ADK: variants seen among roughly 807,000 people sequenced by gnomAD.
ADK encodes the protein N6,N6-dimethyladenosine kinase.
Under a neutral mutation model 44.7 loss-of-function variants are expected in ADK, and 24 were observed. The ratio of observed to expected loss-of-function variants is 0.54; its 90% CI spans 0.39 to 0.76. The LOEUF (loss-of-function observed/expected upper bound fraction) is 0.76. Among genes scored for constraint, ADK ranks in the 30% least tolerant of loss-of-function variants. The pLI, the probability that ADK is intolerant of heterozygous loss-of-function variation, is 0.00. For synonymous variants in ADK, 128 were observed against 142.6 expected (o/e 0.90, Z 0.73); for missense variants, 321 against 425.1 (o/e 0.76, Z 2.15).
intron 6 of ADK, among the ~76,000 whole-genome samples, chr10:74,461,403 G>T (rs1177910819): frequency 6.6e-6 from 1 of 152,030 alleles, no homozygotes; most frequent in Admixed American, 6.5e-5. Flanking sequence ...AAGGAAAAAA[G>T]CCTGGTAATA....
intron 4 of ADK, among the ~76,000 whole-genome samples, chr10:74,387,178 G>A (rs781466951): frequency 6.4e-4 from 98 of 152,030 alleles, no homozygotes; most frequent in Admixed American, 5.2e-4. Flanking sequence ...CTCGTGATCC[G>A]CCTGCCTCAG....
chr10:74,231,632 A>G (rs764043861), intron 3 of ADK, among the ~76,000 whole-genome samples: 1 of 151,072 alleles, frequency 6.6e-6, no homozygotes, highest in Non-Finnish European at 1.5e-5. Context: ...CACCTGGCTA[A>G]TTTTTGTATT....
intron 7 of ADK, among the ~76,000 whole-genome samples, chr10:74,579,084 A>G (rs756463640): frequency 6.6e-6 from 1 of 152,184 alleles, no homozygotes; most frequent in Middle Eastern, 3.4e-3. Context: ...AAATACAGAA[A>G]TTAGCCGGGT....
intron 10 of ADK, among the ~76,000 whole-genome samples, chr10:74,696,721 T>C (rs1412072173): frequency 1.3e-5 from 2 of 152,216 alleles, no homozygotes; most frequent in African/African-American, 4.8e-5. Flanking sequence ...ATTTGTAATT[T>C]TACTGTTTCC....
At chr10:74,603,261 T>A (rs1852203350) in intron 9 of ADK, among the ~76,000 whole-genome samples, 1 of 150,234 alleles carries the variant, frequency 6.7e-6, no homozygotes, top group South Asian at 2.1e-4. Context: ...CTTAAACCTA[T>A]TTTTTTTTAA....
At chr10:74,308,183 T>A (rs771563125) in intron 3 of ADK, among the ~76,000 whole-genome samples, 2 of 152,208 alleles carry the variant, frequency 1.3e-5, no homozygotes, top group Non-Finnish European at 2.9e-5. Context: ...ATGATCTTCA[T>A]GTTCAGAGTT....
intron 1 of ADK, among the ~76,000 whole-genome samples, chr10:74,182,588 C>T (rs767110747): frequency 6.6e-6 from 1 of 152,026 alleles, no homozygotes; most frequent in African/African-American, 2.4e-5. Flanking sequence ...AGGCTGGCCT[C>T]GAACTTCTGA....
chr10:74,170,025 T>C (rs368696376), intron 1 of ADK, among the ~76,000 whole-genome samples: 25 of 152,340 alleles, frequency 1.6e-4, no homozygotes, highest in African/African-American at 5.8e-4. Context: ...CCCTGACCTT[T>C]ACATGGCTGC....
chr10:74,182,566 A>G (rs950091309), intron 1 of ADK, among the ~76,000 whole-genome samples: 7 of 152,022 alleles, frequency 4.6e-5, no homozygotes, highest in African/African-American at 1.7e-4. Flanking sequence ...ATGGGGTTTC[A>G]TCGTATTGGT....
At chr10:74,349,770 G>C (rs894560077) in intron 4 of ADK, among the ~76,000 whole-genome samples, 3 of 151,910 alleles carry the variant, frequency 2.0e-5, no homozygotes, top group African/African-American at 7.3e-5. Context: ...TGCACTTCTA[G>C]TCTCTGATAA....
At chr10:74,517,283 A>G (rs1248085407) in intron 6 of ADK, among the ~76,000 whole-genome samples, 4 of 152,134 alleles carry the variant, frequency 2.6e-5, no homozygotes, top group African/African-American at 7.2e-5. Flanking sequence ...TCTTTCTACT[A>G]TATCTTTTTC....
intron 6 of ADK, among the ~76,000 whole-genome samples, chr10:74,430,667 C>T (rs1278038557): frequency 3.3e-5 from 5 of 152,006 alleles, no homozygotes; most frequent in African/African-American, 1.2e-4. Context: ...GCTTTTAATT[C>T]TTACATTCTA....
In ADK at chr10:74,344,469, C is replaced by A. The variant is rs144731094; in HGVS notation, c.273+29724C>A. ...TGACAGATGACTTAACAAGGTGGCA[C>A]CTGCTTTCAGGGGATTGTATCAGAT... On this transcript the variant is annotated intron_variant, in intron 4 of 10. Coordinates refer to ENST00000539909, the MANE Select transcript of ADK (RefSeq NM_006721.4). 4 of 191,642 alleles carry A rather than the reference C, an allele frequency of 2.1e-5. No homozygotes were observed. In the East Asian group the frequency reaches 5.0e-4, roughly 24 times the overall value. The allele number at this position is 191,642 out of a possible 1,614,324, so 11.9% of individuals were successfully genotyped here.
intron 9 of ADK, among the ~76,000 whole-genome samples, chr10:74,626,708 C>T (rs977166313): frequency 2.0e-5 from 3 of 152,134 alleles, no homozygotes; most frequent in Non-Finnish European, 4.4e-5. Flanking sequence ...CCTTCAGTGG[C>T]TTGCATTTTA....
intron 9 of ADK, among the ~76,000 whole-genome samples, chr10:74,604,601 C>T (rs192203082): frequency 6.6e-6 from 1 of 152,188 alleles, no homozygotes; most frequent in Admixed American, 6.5e-5. Flanking sequence ...CTGTTCTGTT[C>T]CATTGATCTA....
At chr10:74,235,402 A>G (rs978385937) in intron 3 of ADK, among the ~76,000 whole-genome samples, 2 of 152,076 alleles carry the variant, frequency 1.3e-5, no homozygotes, top group African/African-American at 4.8e-5. Context: ...TGGCATGATC[A>G]TAGTGATCGT....
At chr10:74,424,138 G>C (rs1844687878) in intron 6 of ADK, 1 of 152,654 alleles carries the variant, frequency 6.6e-6, no homozygotes, top group East Asian at 1.9e-4. Flanking sequence ...ACTTGGGGCT[G>C]GGGCTCACAC....
At chr10:74,700,183 C>T (rs1328688679) in intron 10 of ADK, among the ~76,000 whole-genome samples, 2 of 152,126 alleles carry the variant, frequency 1.3e-5, no homozygotes, top group East Asian at 1.9e-4. Context: ...CATGGAGATA[C>T]TATGTAGCTG....
At chr10:74,216,248 C>T (rs938016729) in intron 2 of ADK, among the ~76,000 whole-genome samples, 1 of 152,044 alleles carries the variant, frequency 6.6e-6, no homozygotes, top group African/African-American at 2.4e-5. Flanking sequence ...TCTTTGCAGC[C>T]AGCCAAAATG....
Sources: allele counts gnomAD v4.1 joint callset (sites outside exome capture counted in the v4.1 genomes callset), GRCh38; gene constraint gnomAD v4.1.1; transcripts MANE v1.5; gene names NCBI Gene and HGNC (gene_info 2026-07-23, HGNC 2026-07-21).